Variants in RAPGEF4 observed in about 807,000 individuals in gnomAD.
RAPGEF4 encodes Rap guanine nucleotide exchange factor 4.
Under a neutral mutation model 147.9 loss-of-function variants are expected in RAPGEF4, and 66 were observed. That is an observed-to-expected ratio of 0.45 (90% CI 0.37 to 0.55). RAPGEF4 has a LOEUF of 0.55. RAPGEF4 is among the 20% of genes least tolerant of loss of function. The pLI, the probability that RAPGEF4 is intolerant of heterozygous loss-of-function variation, is 0.00. For synonymous variants in RAPGEF4, 419 were observed against 442.7 expected (o/e 0.95, Z 0.67); for missense variants, 1,071 against 1,257.3 (o/e 0.85, Z 2.24).
chr2:172,995,245 TTGTGTGTG>T (rs71018528), intron 15 of RAPGEF4, among the ~76,000 whole-genome samples: 26,282 of 138,266 alleles, frequency 0.19, 2,814 homozygotes, highest in South Asian at 0.35. Flanking sequence ...ACTTGCCTGT[TTGTGTGTG>T]TGTGTGTGTG....
At chr2:172,808,373 C>T (rs1391679393) in intron 3 of RAPGEF4, among the ~76,000 whole-genome samples, 2 of 152,184 alleles carry the variant, frequency 1.3e-5, no homozygotes, top group East Asian at 3.9e-4. Context: ...TACGAGCTCC[C>T]CCAGAGAGCT....
chr2:173,012,634 G>A lies in RAPGEF4; in HGVS notation c.1659-1830G>A, dbSNP rs62175773. Among the ~76,000 whole-genome samples, 419 of 152,334 alleles carry A rather than the reference G, an allele frequency of 2.8e-3. 1 individual carries two copies. Among genetic ancestry groups the A allele is most frequent in the Middle Eastern group, 0.014 (4 of 294 alleles). ...GTTATTAAATGCGGTAGCTGAAAGA[G>A]AATTTGGAAATGATTTCTTCTCACC... On this transcript the variant is annotated intron_variant, in intron 17 of 30. Transcript: ENST00000397081.
At chr2:172,809,662 C>A (rs1687837021) in intron 3 of RAPGEF4, among the ~76,000 whole-genome samples, 1 of 152,122 alleles carries the variant, frequency 6.6e-6, no homozygotes, top group Non-Finnish European at 1.5e-5. Flanking sequence ...TCTTGAGTAG[C>A]TGGGACCATA....
At chr2:173,001,125 A>T in intron 16 of RAPGEF4, 141 bp from the exon 17 acceptor site, 1 of 1,203,054 alleles carries the variant, frequency 8.3e-7, no homozygotes, top group Non-Finnish European at 1.1e-6. Context: ...TATTTATATG[A>T]AGTGCTTCCA....
intron 1 of RAPGEF4, 74 bp downstream of exon 1, chr2:172,736,122 G>A (rs1462337553): frequency 1.7e-6 from 2 of 1,188,772 alleles, no homozygotes; most frequent in South Asian, 2.5e-5. Context: ...CCGCAGCTCC[G>A]CACCTGGGCG....
intron 16 of RAPGEF4, among the ~76,000 whole-genome samples, chr2:172,997,645 GT>G (rs886124298): frequency 1.2e-4 from 18 of 148,668 alleles, no homozygotes; most frequent in Admixed American, 4.0e-4. Flanking sequence ...CACGCAACGT[GT>G]TTTTTTTTTA....
At chr2:172,934,899 G>C (rs759355672) in intron 6 of RAPGEF4, among the ~76,000 whole-genome samples, 1 of 152,164 alleles carries the variant, frequency 6.6e-6, no homozygotes, top group Non-Finnish European at 1.5e-5. Flanking sequence ...ACAAGAGGCC[G>C]GGGGTGGTAG....
intron 4 of RAPGEF4, among the ~76,000 whole-genome samples, chr2:172,879,404 A>G (rs1052422734): frequency 6.6e-6 from 1 of 152,218 alleles, no homozygotes. Context: ...ATACACAGAT[A>G]AAGTCATGTA....
chr2:172,795,185 T>G lies in RAPGEF4; in HGVS notation c.208+18T>G, dbSNP rs7585729. 2 of 1,583,884 alleles carry G rather than the reference T, an allele frequency of 1.3e-6. No individual in the cohort carries two copies. The highest frequency in any genetic ancestry group is 2.2e-5 in the South Asian group (2 of 90,146). ...AATAACATGTAAGAAATGCAACTCT[T>G]GTAGTATATTTCCATGTATGGTTTA... On this transcript the variant is annotated intron_variant, in intron 2 of 30. Transcript: ENST00000397081.
chr2:172,869,330 A>T (rs956135806), intron 4 of RAPGEF4, among the ~76,000 whole-genome samples: 1 of 152,172 alleles, frequency 6.6e-6, no homozygotes, highest in Non-Finnish European at 1.5e-5. Context: ...TTGGGTTTTT[A>T]AAAAAATTAA....
chr2:172,811,578 A>C (rs761268167), intron 3 of RAPGEF4, among the ~76,000 whole-genome samples: 3 of 152,248 alleles, frequency 2.0e-5, no homozygotes, highest in Non-Finnish European at 4.4e-5. Flanking sequence ...AGGCATGAGC[A>C]GTATGTATAA....
chr2:172,967,152 G>A (rs2105507321), intron 9 of RAPGEF4, 109 bp from the exon 10 acceptor site: 2 of 1,108,698 alleles, frequency 1.8e-6, no homozygotes, highest in Non-Finnish European at 2.6e-6. Context: ...GAGGCTCCCG[G>A]CTTTGCTGCC....
chr2:172,893,338 A>C (rs1445558532), intron 4 of RAPGEF4, among the ~76,000 whole-genome samples: 2 of 152,218 alleles, frequency 1.3e-5, no homozygotes, highest in South Asian at 2.1e-4. Flanking sequence ...GCCCAGTTGG[A>C]GGCTAACTTA....
At chr2:172,950,394 TG>T (rs1688097568) in intron 6 of RAPGEF4, among the ~76,000 whole-genome samples, 1 of 152,218 alleles carries the variant, frequency 6.6e-6, no homozygotes, top group South Asian at 2.1e-4. Flanking sequence ...CAGCAAATAC[TG>T]AAATCACGCT....
chr2:172,914,319 ATTTTTTTTTTTTT>A (rs573065663), intron 4 of RAPGEF4, among the ~76,000 whole-genome samples: 5 of 62,450 alleles, frequency 8.0e-5, no homozygotes, highest in African/African-American at 2.6e-4. Context: ...GGAAATATGC[ATTTTTTTTTTTTT>A]TTTTTTTTTT....
At chr2:172,798,344 ACAT>A (rs1686603244) in intron 3 of RAPGEF4, among the ~76,000 whole-genome samples, 1 of 152,170 alleles carries the variant, frequency 6.6e-6, no homozygotes, top group Non-Finnish European at 1.5e-5. Context: ...GCCTTCTTTC[ACAT>A]CTGCAGTGAC....
At chr2:173,038,591 T>C (rs533487695) in intron 29 of RAPGEF4, among the ~76,000 whole-genome samples, 84 of 151,496 alleles carry the variant, frequency 5.5e-4, no homozygotes, top group African/African-American at 1.9e-3. Context: ...CTGTCGGAGG[T>C]TGGGGAGCAA....
intron 4 of RAPGEF4, among the ~76,000 whole-genome samples, chr2:172,874,491 A>T (rs1305782680): frequency 6.6e-6 from 1 of 152,096 alleles, no homozygotes; most frequent in Non-Finnish European, 1.5e-5. Context: ...GAGTGAGAAC[A>T]TGCGATGTTT....
intron 3 of RAPGEF4, among the ~76,000 whole-genome samples, chr2:172,807,002 C>A (rs1012957208): frequency 2.0e-5 from 3 of 152,144 alleles, no homozygotes; most frequent in Non-Finnish European, 4.4e-5. Context: ...CATTTCACTC[C>A]GTTATTTTCA....
Sources: gnomAD v4.1 joint callset for allele counts (sites outside exome capture counted in the v4.1 genomes callset) on GRCh38, gnomAD v4.1.1 for gene constraint, MANE v1.5 for transcripts, NCBI Gene and HGNC (gene_info 2026-07-23, HGNC 2026-07-21) for gene names.